The following TAFA2 variants were observed in gnomAD, a reference collection of about 807,000 sequenced individuals.
The protein encoded by TAFA2 is TAFA chemokine like family member 2, also known as chemokine-like protein TAFA-2.
Under a neutral mutation model 18.8 loss-of-function variants are expected in TAFA2, and 7 were observed. The ratio of observed to expected loss-of-function variants is 0.37; its 90% confidence interval spans 0.21 to 0.70. TAFA2 has a LOEUF of 0.70. TAFA2 is among the 30% of genes least tolerant of loss of function. The probability of loss-of-function intolerance (pLI) is 0.53; values close to 1 mark genes in which losing one functional copy is unlikely to be tolerated. For synonymous variants in TAFA2, 60 were observed against 54.2 expected (o/e 1.11, Z -0.47); for missense variants, 122 against 158.1 (o/e 0.77, Z 1.23).
intron 1 of TAFA2, among the ~76,000 whole-genome samples, chr12:61,869,958 A>C (rs559696013): frequency 6.6e-6 from 1 of 152,330 alleles, no homozygotes; most frequent in African/African-American, 2.4e-5. Flanking sequence ...GCTTCTCCTT[A>C]GCACATGGCC....
chr12:62,078,763 C>T (rs1326849446), intron 1 of TAFA2, among the ~76,000 whole-genome samples: 1 of 152,206 alleles, frequency 6.6e-6, no homozygotes, highest in Non-Finnish European at 1.5e-5. Context: ...CCTATTAAAC[C>T]TTGCCTGAGA....
chr12:62,125,051 T>C (rs1870392293), intron 1 of TAFA2, among the ~76,000 whole-genome samples: 1 of 151,918 alleles, frequency 6.6e-6, no homozygotes, highest in African/African-American at 2.4e-5. Context: ...CACAGCTCTT[T>C]TAAGATGGGT....
chr12:62,019,202 T>C (rs1592553040), intron 1 of TAFA2, among the ~76,000 whole-genome samples: 1 of 151,934 alleles, frequency 6.6e-6, no homozygotes, highest in Non-Finnish European at 1.5e-5. Flanking sequence ...TGTGGAGAAA[T>C]AGGAACACTT....
chr12:62,031,268 A>C (rs909455920), intron 1 of TAFA2, among the ~76,000 whole-genome samples: 2 of 152,100 alleles, frequency 1.3e-5, no homozygotes, highest in Non-Finnish European at 2.9e-5. Context: ...ACTAGTGCAG[A>C]AAGAATATAA....
chr12:61,950,602 T>C (rs1490747795), intron 1 of TAFA2, among the ~76,000 whole-genome samples: 1 of 152,206 alleles, frequency 6.6e-6, no homozygotes, highest in African/African-American at 2.4e-5. Context: ...CATTTTTAAT[T>C]GAGTTATTTG....
chr12:61,859,718 A>C (rs1486874478), intron 2 of TAFA2, among the ~76,000 whole-genome samples: 2 of 152,166 alleles, frequency 1.3e-5, no homozygotes, highest in Admixed American at 6.5e-5. Flanking sequence ...CTGGGATTAC[A>C]GGCATAAGCC....
chr12:61,940,711 G>A (rs1192652916), intron 1 of TAFA2, among the ~76,000 whole-genome samples: 1 of 152,122 alleles, frequency 6.6e-6, no homozygotes, highest in Non-Finnish European at 1.5e-5. Flanking sequence ...GCTAGCAATG[G>A]GCATGCTGGT....
At chr12:61,813,398 C>A (rs549336812) in intron 2 of TAFA2, among the ~76,000 whole-genome samples, 2 of 150,910 alleles carry the variant, frequency 1.3e-5, no homozygotes, top group South Asian at 4.2e-4. Flanking sequence ...TAACTTTTTT[C>A]TGTCATATAT....
intron 1 of TAFA2, among the ~76,000 whole-genome samples, chr12:62,029,005 C>G (rs1227958903): frequency 6.6e-6 from 1 of 152,012 alleles, no homozygotes; most frequent in Non-Finnish European, 1.5e-5. Flanking sequence ...TAATATGTAA[C>G]TAATAGATAT....
intron 4 of TAFA2, among the ~76,000 whole-genome samples, chr12:61,732,965 A>G (rs144883847): frequency 1.5e-4 from 23 of 152,172 alleles, no homozygotes; most frequent in African/African-American, 5.1e-4. Flanking sequence ...TATACACTCA[A>G]TCTATTCAGC....
intron 2 of TAFA2, among the ~76,000 whole-genome samples, chr12:61,861,682 T>C (rs939552708): frequency 1.3e-5 from 2 of 152,136 alleles, no homozygotes; most frequent in Non-Finnish European, 2.9e-5. Context: ...CAAATGAAGA[T>C]CTGTCCAGAA....
chr12:62,045,801 A>T (rs1395723260), intron 1 of TAFA2, among the ~76,000 whole-genome samples: 1 of 152,140 alleles, frequency 6.6e-6, no homozygotes, highest in Non-Finnish European at 1.5e-5. Context: ...CCAGAACAGT[A>T]TGAGGGAAAC....
chr12:62,175,398 T>G (rs960313795), intron 1 of TAFA2, among the ~76,000 whole-genome samples: 1 of 152,218 alleles, frequency 6.6e-6, no homozygotes, highest in African/African-American at 2.4e-5. Context: ...AAGGTCTTTT[T>G]CTAGTTTAAT....
chr12:61,922,833 C>A (rs1347581296), intron 1 of TAFA2, among the ~76,000 whole-genome samples: 1 of 152,202 alleles, frequency 6.6e-6, no homozygotes, highest in African/African-American at 2.4e-5. Flanking sequence ...GCCCAGCAAG[C>A]TAAGATCCAC....
intron 1 of TAFA2, among the ~76,000 whole-genome samples, chr12:62,111,091 T>C (rs1004262324): frequency 1.3e-5 from 2 of 152,182 alleles, no homozygotes; most frequent in African/African-American, 4.8e-5. Flanking sequence ...GTGTTGATTT[T>C]AGATCTTTCC....
chr12:61,959,685 GGAAA>G (rs1275907793), intron 1 of TAFA2, among the ~76,000 whole-genome samples: 4 of 151,930 alleles, frequency 2.6e-5, no homozygotes, highest in African/African-American at 9.7e-5. Context: ...GTGTGGAGGT[GGAAA>G]GAGAGAACAT....
intron 1 of TAFA2, among the ~76,000 whole-genome samples, chr12:62,244,237 C>CTTT (rs35569192): frequency 0.16 from 22,068 of 133,952 alleles, 1,936 homozygotes; most frequent in African/African-American, 0.23. Context: ...TTTCTTTTGT[C>CTTT]TTTTTTTTTT....
At position 61,727,160 on chromosome 12, in the gene TAFA2, G is replaced by A. The variant is rs113502581; in HGVS notation, c.385-16743C>T. On this transcript the variant is annotated intron_variant, in intron 4 of 4. Coordinates refer to ENST00000416284, the MANE Select transcript of TAFA2 (RefSeq NM_178539.5). ...ATTTATTGAGAATTTTTGCATCTAT[G>A]TTCATCAAGGATATTGAACTGTAGT... Among the ~76,000 whole-genome samples the A allele has an allele frequency of 4.3e-3, 649 of 151,990 alleles. 4 individuals are homozygous for A. The highest frequency in any genetic ancestry group is 0.014 in the African/African-American group (572 of 41,504).
intron 1 of TAFA2, among the ~76,000 whole-genome samples, chr12:61,900,797 G>T (rs960613287): frequency 6.6e-6 from 1 of 152,150 alleles, no homozygotes; most frequent in Non-Finnish European, 1.5e-5. Flanking sequence ...TCCATTTTTG[G>T]CCTTACTATG....
Sources: allele counts gnomAD v4.1 joint callset (sites outside exome capture counted in the v4.1 genomes callset), GRCh38; gene constraint gnomAD v4.1.1; transcripts MANE v1.5; gene names NCBI Gene and HGNC (gene_info 2026-07-23, HGNC 2026-07-21).